The following FOXJ3 variants were observed in gnomAD, a reference collection of about 807,000 sequenced individuals.
FOXJ3 encodes forkhead box J3, also known as forkhead box protein J3.
FOXJ3 carries 22 observed loss-of-function variants against 76.1 expected under a neutral mutation model. That is an observed-to-expected ratio of 0.29 (90% CI 0.21 to 0.41). The LOEUF (loss-of-function observed/expected upper bound fraction) is 0.41, where lower values mean the gene tolerates loss of function less well. Among genes scored for constraint, FOXJ3 ranks in the 10% least tolerant of loss-of-function variants. The pLI is 1.00. For synonymous variants in FOXJ3, 269 were observed against 261.2 expected (o/e 1.03, Z -0.29); for missense variants, 613 against 762.1 (o/e 0.80, Z 2.30).
intron 2 of FOXJ3, among the ~76,000 whole-genome samples, chr1:42,301,122 T>C (rs1453847463): frequency 6.6e-6 from 1 of 152,214 alleles, no homozygotes; most frequent in African/African-American, 2.4e-5. Context: ...CACTTTTTAC[T>C]TTTTCTTCTG....
Position 42,203,954 on chromosome 1 carries a change from G to A in FOXJ3, c.630+1808C>T, listed in dbSNP as rs1022959994. 6.7e-5 allele frequency among the ~76,000 whole-genome samples: 10 copies of A among 149,000 alleles called. No homozygotes were observed. The South Asian group carries it at 1.3e-3, about 19-fold the overall frequency. ...GAGGTTGCAGTGAGCTAAGATCACC[G>A]CACTGCACTCCAGTCTGGGCGACAC... On this transcript the variant is annotated intron_variant, in intron 6 of 12. Transcript: ENST00000361346.
chr1:42,273,715 A>T, intron 3 of FOXJ3, among the ~76,000 whole-genome samples: 1 of 151,372 alleles, frequency 6.6e-6, no homozygotes, highest in East Asian at 1.9e-4. Flanking sequence ...AGAGGAGGAT[A>T]TCATGTAGAC....
rs1181720486 is a variant in FOXJ3, at chr1:42,178,800, T to C, written c.*910A>G. The stretch of plus-strand genomic sequence containing the variant: ...ACTCCATCTCAAAAAAAGAAAAAAA[T>C]AATAATAGTTCTGTGCTTTCAGACA... On this transcript the variant is annotated 3_prime_UTR_variant, in exon 13 of 13. Transcript: ENST00000361346. The C allele has an allele frequency of 1.3e-5, 2 of 151,472 alleles. No individual in the cohort carries two copies. The highest frequency in any genetic ancestry group is 1.3e-4 in the Admixed American group (2 of 15,156). 9.4% of individuals were successfully genotyped at this position (151,472 alleles called of 1,614,324 possible). A position where few individuals can be genotyped will look rare whatever the true frequency, so the allele number is the denominator to read the frequency against.
intron 7 of FOXJ3, among the ~76,000 whole-genome samples, chr1:42,197,400 T>C (rs903432044): frequency 6.6e-6 from 1 of 152,152 alleles, no homozygotes; most frequent in Non-Finnish European, 1.5e-5. Flanking sequence ...TATAATTTAC[T>C]CATTCTGTTA....
chr1:42,269,054 T>A (rs1233925359), intron 3 of FOXJ3, among the ~76,000 whole-genome samples: 1 of 152,172 alleles, frequency 6.6e-6, no homozygotes, highest in Non-Finnish European at 1.5e-5. Context: ...ACATTTGTTG[T>A]TTGTAAGCCC....
chr1:42,301,273 AC>A (rs1430422526), intron 2 of FOXJ3, among the ~76,000 whole-genome samples: 1 of 151,908 alleles, frequency 6.6e-6, no homozygotes, highest in African/African-American at 2.4e-5. Context: ...TTGGCTCGCC[AC>A]AACCTCCACC....
chr1:42,323,638 A>T, intron 1 of FOXJ3: 2 of 897,178 alleles, frequency 2.2e-6, no homozygotes, highest in Non-Finnish European at 2.7e-6. Context: ...CATAGCTCTT[A>T]GTATCTGTAC....
At chr1:42,245,398 G>A (rs749229544) in intron 4 of FOXJ3, among the ~76,000 whole-genome samples, 4 of 152,126 alleles carry the variant, frequency 2.6e-5, no homozygotes, top group Non-Finnish European at 4.4e-5. Flanking sequence ...TATCTCTGAT[G>A]TTCACAGACA....
intron 3 of FOXJ3, among the ~76,000 whole-genome samples, chr1:42,273,270 T>G (rs1039041233): frequency 6.6e-6 from 1 of 152,238 alleles, no homozygotes; most frequent in African/African-American, 2.4e-5. Context: ...ATAAAGATTG[T>G]AGCTCCCTTA....
chr1:42,179,583 A>C lies in FOXJ3; in HGVS notation c.*127T>G, dbSNP rs1646276161. 2 of 604,474 alleles carry C rather than the reference A, an allele frequency of 3.3e-6. No individual in the cohort carries two copies. Among genetic ancestry groups the C allele is most frequent in the African/African-American group, 3.7e-5 (2 of 53,962 alleles). 37.4% of individuals were successfully genotyped at this position (604,474 alleles called of 1,614,324 possible). The stretch of plus-strand genomic sequence containing the variant: ...AGCTAAAATCCTTCTGATTGTCTTC[A>C]AAAGTAATTTTGATAACATTGGTAA... On this transcript the variant is annotated 3_prime_UTR_variant, in exon 13 of 13. Coordinates refer to ENST00000361346, the MANE Select transcript of FOXJ3 (RefSeq NM_014947.5).
At chr1:42,195,588 C>G (rs1646635610) in intron 7 of FOXJ3, among the ~76,000 whole-genome samples, 1 of 152,168 alleles carries the variant, frequency 6.6e-6, no homozygotes, top group Non-Finnish European at 1.5e-5. Context: ...GAAAACTTAT[C>G]TTTAAAAGCA....
At chr1:42,330,515 G>A (rs1364212282) in intron 1 of FOXJ3, among the ~76,000 whole-genome samples, 8 of 152,134 alleles carry the variant, frequency 5.3e-5, no homozygotes, top group African/African-American at 4.8e-5. Flanking sequence ...GCGCGCACCT[G>A]TAGTCCCAGC....
intron 4 of FOXJ3, among the ~76,000 whole-genome samples, chr1:42,251,623 A>AC (rs1650057800): frequency 6.6e-6 from 1 of 151,544 alleles, no homozygotes; most frequent in Non-Finnish European, 1.5e-5. Flanking sequence ...AATATATTGA[A>AC]CCAGCCTTGC....
At chr1:42,209,389 T>A (rs1029936772) in intron 5 of FOXJ3, among the ~76,000 whole-genome samples, 1 of 152,162 alleles carries the variant, frequency 6.6e-6, no homozygotes, top group African/African-American at 2.4e-5. Context: ...TGCTGTGAAC[T>A]TTTTTTCCTA....
chr1:42,212,838 T>C (rs764225181), intron 5 of FOXJ3, among the ~76,000 whole-genome samples: 5 of 149,926 alleles, frequency 3.3e-5, no homozygotes, highest in Non-Finnish European at 7.4e-5. Context: ...GTAACCTATA[T>C]AAGAAAACCT....
chr1:42,216,618 G>GT (rs999555177), intron 5 of FOXJ3, among the ~76,000 whole-genome samples: 9 of 152,124 alleles, frequency 5.9e-5, no homozygotes, highest in African/African-American at 2.2e-4. Context: ...ATCTACAGAT[G>GT]TAACACATAT....
At chr1:42,273,537 T>C (rs1185932818) in intron 3 of FOXJ3, among the ~76,000 whole-genome samples, 1 of 151,810 alleles carries the variant, frequency 6.6e-6, no homozygotes, top group Non-Finnish European at 1.5e-5. Context: ...TAGCTAGGCA[T>C]AGTGGCATGC....
At chr1:42,207,767 A>G (rs958558551) in intron 5 of FOXJ3, among the ~76,000 whole-genome samples, 2 of 152,234 alleles carry the variant, frequency 1.3e-5, no homozygotes, top group Non-Finnish European at 2.9e-5. Context: ...GGCAGAGAAT[A>G]GGGATCTTGA....
At chr1:42,317,716 G>C (rs1267239894) in intron 1 of FOXJ3, among the ~76,000 whole-genome samples, 1 of 151,852 alleles carries the variant, frequency 6.6e-6, no homozygotes, top group East Asian at 1.9e-4. Context: ...CATGGATAGG[G>C]GTTAAGAATC....
Sources: gnomAD v4.1 joint callset for allele counts (sites outside exome capture counted in the v4.1 genomes callset) on GRCh38, gnomAD v4.1.1 for gene constraint, MANE v1.5 for transcripts, NCBI Gene and HGNC (gene_info 2026-07-23, HGNC 2026-07-21) for gene names.